PDE1A: variants seen among roughly 807,000 people sequenced by gnomAD.
PDE1A encodes phosphodiesterase 1A.
PDE1A carries 35 observed loss-of-function variants against 61.7 expected under a neutral mutation model. The ratio of observed to expected loss-of-function variants is 0.57; its 90% CI spans 0.43 to 0.75. The LOEUF is 0.75. PDE1A is among the 30% of genes least tolerant of loss of function. PDE1A has a pLI of 0.00. For missense variants in PDE1A, 597 were observed against 630.6 expected, an observed-to-expected ratio of 0.95 and a Z score of 0.57; for synonymous variants, 232 against 213.2, an observed-to-expected ratio of 1.09 and a Z score of -0.77.
At chr2:182,588,041 G>A in the PDE1A span, among the ~76,000 whole-genome samples, 1 of 152,154 alleles carries the variant, frequency 6.6e-6, no homozygotes, top group Non-Finnish European at 1.5e-5. Context: ...TTTGATATGT[G>A]AAGTTTGGAA....
At position 182,201,392 on chromosome 2, in the gene PDE1A, A is replaced by C. The variant is rs149152802; in HGVS notation, c.1125+47T>G. 108 of 1,607,318 alleles carry C rather than the reference A, an allele frequency of 6.7e-5. No homozygotes were observed. The East Asian group carries it at 1.9e-3, about 28-fold the overall frequency. On this transcript the variant is annotated intron_variant, in intron 10 of 13. Coordinates refer to ENST00000351439, the Ensembl canonical transcript of PDE1A. The stretch of plus-strand genomic sequence containing the variant: ...ACAGAAAAGGTGTACGCTAATATGC[A>C]CAGTCACTATTTCCAAAAACATTTG...
At chr2:182,379,143 G>T (rs533440455) in intron 1 of PDE1A, among the ~76,000 whole-genome samples, 63 of 152,154 alleles carry the variant, frequency 4.1e-4, no homozygotes, top group African/African-American at 1.5e-3. Flanking sequence ...AACAACTTCC[G>T]TTTTTTCAAC....
chr2:182,621,305 T>G, the PDE1A span, among the ~76,000 whole-genome samples: 1 of 152,226 alleles, frequency 6.6e-6, no homozygotes, highest in African/African-American at 2.4e-5. Flanking sequence ...TATCTGCAGT[T>G]GACACTCCCC....
chr2:182,572,118 A>G, the PDE1A span, among the ~76,000 whole-genome samples: 3 of 152,204 alleles, frequency 2.0e-5, no homozygotes, highest in Admixed American at 6.5e-5. Context: ...ACTGTGCCTG[A>G]CATTGAGCAA....
At chr2:182,276,612 C>G (rs929873458) in intron 1 of PDE1A, among the ~76,000 whole-genome samples, 9 of 108,736 alleles carry the variant, frequency 8.3e-5, no homozygotes, top group African/African-American at 3.4e-4. Context: ...AATCAGTGCA[C>G]CTTGAAAATG....
chr2:182,281,296 A>T lies in PDE1A; in HGVS notation c.54-16882T>A, dbSNP rs185261976. ...TGGTTTTCTACTGCAATTTGCTTTT[A>T]AAATGTCCAGTGGAAAGAAATGCTA... On this transcript the variant is annotated intron_variant, in intron 1 of 13. Coordinates refer to ENST00000351439, the Ensembl canonical transcript of PDE1A. 5.3e-3 allele frequency among the ~76,000 whole-genome samples: 799 copies of T among 152,044 alleles called. 6 individuals are homozygous for T. Among genetic ancestry groups the T allele is most frequent in the Non-Finnish European group, 7.8e-3 (529 of 67,900 alleles).
At chr2:182,296,109 G>T (rs1449394790) in intron 1 of PDE1A, among the ~76,000 whole-genome samples, 1 of 152,120 alleles carries the variant, frequency 6.6e-6, no homozygotes, top group Non-Finnish European at 1.5e-5. Flanking sequence ...TATAATCATG[G>T]TAAGCTCAAA....
chr2:182,543,241 A>T, the PDE1A span, among the ~76,000 whole-genome samples: 5 of 152,230 alleles, frequency 3.3e-5, no homozygotes, highest in African/African-American at 1.2e-4. Flanking sequence ...TCTTAAGTGT[A>T]TTTATTAATG....
chr2:182,384,517 CAACA>C (rs1480261576), intron 1 of PDE1A, among the ~76,000 whole-genome samples: 3 of 148,516 alleles, frequency 2.0e-5, no homozygotes, highest in African/African-American at 7.4e-5. Context: ...CTGAAAAATA[CAACA>C]AACAAAATTA....
chr2:182,307,332 A>G (rs1215256026), intron 1 of PDE1A, among the ~76,000 whole-genome samples: 2 of 152,168 alleles, frequency 1.3e-5, no homozygotes, highest in African/African-American at 2.4e-5. Context: ...GCCTTCATGA[A>G]TGGATTAATG....
Position 182,346,166 on chromosome 2 carries a change from C to T in PDE1A, c.53+80412G>A, listed in dbSNP as rs184250704. Reference sequence around the variant, plus strand: ...AGCATTTATCTATTCTAGTTGTTTACTAGTGTAAACATTTAGTTTTTAAGG... The same window carrying T: ...AGCATTTATCTATTCTAGTTGTTTATTAGTGTAAACATTTAGTTTTTAAGG... On this transcript the variant is annotated intron_variant, in intron 1 of 13. Coordinates refer to ENST00000351439, the Ensembl canonical transcript of PDE1A. 1.1e-4 allele frequency among the ~76,000 whole-genome samples: 17 copies of T among 152,162 alleles called. 1 individual carries two copies. The South Asian group carries it at 1.2e-3, about 11-fold the overall frequency.
the PDE1A span, among the ~76,000 whole-genome samples, chr2:182,545,270 C>T: frequency 6.6e-6 from 1 of 152,212 alleles, no homozygotes; most frequent in Admixed American, 6.5e-5. Flanking sequence ...ATCCCATCCC[C>T]TGTGGTCCCA....
chr2:182,670,013 A>T, the PDE1A span, among the ~76,000 whole-genome samples: 1 of 152,196 alleles, frequency 6.6e-6, no homozygotes, highest in Non-Finnish European at 1.5e-5. Flanking sequence ...GTTAAGTAAA[A>T]ATGCTATATA....
the PDE1A span, among the ~76,000 whole-genome samples, chr2:182,597,586 C>G: frequency 6.6e-6 from 1 of 152,056 alleles, no homozygotes; most frequent in Admixed American, 6.6e-5. Context: ...GTAGAGAGAC[C>G]GTTTCCACAA....
chr2:182,658,129 A>G, the PDE1A span, among the ~76,000 whole-genome samples: 2 of 151,476 alleles, frequency 1.3e-5, no homozygotes, highest in East Asian at 1.9e-4. Context: ...GGCTGCCATA[A>G]CAAAGTACCA....
chr2:182,496,110 A>G (rs915161304), intron 2 of PDE1A, among the ~76,000 whole-genome samples: 16 of 152,204 alleles, frequency 1.1e-4, no homozygotes, highest in Non-Finnish European at 1.9e-4. Flanking sequence ...TAGAGGAAAG[A>G]CTGTCTTTTA....
At chr2:182,516,743 A>AGGAAGG (rs57365248) in intron 2 of PDE1A, among the ~76,000 whole-genome samples, 1 of 121,696 alleles carries the variant, frequency 8.2e-6, no homozygotes, top group South Asian at 2.8e-4. Flanking sequence ...GAAGGAAGGA[A>AGGAAGG]AAAGAGAGAA....
At chr2:182,260,265 G>T (rs1692129326) in intron 2 of PDE1A, among the ~76,000 whole-genome samples, 1 of 152,066 alleles carries the variant, frequency 6.6e-6, no homozygotes, top group Non-Finnish European at 1.5e-5. Context: ...TACCTCTCTG[G>T]AATACTCACG....
At chr2:182,672,914 T>A in the PDE1A span, among the ~76,000 whole-genome samples, 3 of 152,134 alleles carry the variant, frequency 2.0e-5, no homozygotes, top group Non-Finnish European at 2.9e-5. Flanking sequence ...AGATTGAGAA[T>A]CCCCATTCTA....
Sources: allele counts gnomAD v4.1 joint callset (sites outside exome capture counted in the v4.1 genomes callset), GRCh38; gene constraint gnomAD v4.1.1; transcripts MANE v1.5; gene names NCBI Gene and HGNC (gene_info 2026-07-23, HGNC 2026-07-21).